Variants in EXOC5 observed in about 807,000 individuals in gnomAD.
EXOC5 encodes SEC10-like 1.
In EXOC5, 17 loss-of-function variants were observed where a neutral mutation model predicts 90.8. The ratio of observed to expected loss-of-function variants is 0.19; its 90% CI spans 0.13 to 0.28. The LOEUF is 0.28. Ranked by LOEUF, EXOC5 falls within the 10% of genes least tolerant of loss-of-function variation. The pLI is 1.00. For synonymous variants in EXOC5, 260 were observed against 270.0 expected, an observed-to-expected ratio of 0.96 and a Z score of 0.36; for missense variants, 569 against 830.6, an observed-to-expected ratio of 0.69 and a Z score of 3.87.
At position 57,203,132 on chromosome 14, in the gene EXOC5, T is replaced by C. The variant is rs920249623; in HGVS notation, c.*5477A>G. On this transcript the variant is annotated 3_prime_UTR_variant, in exon 18 of 18. Coordinates refer to ENST00000621441, the MANE Select transcript of EXOC5 (RefSeq NM_006544.4). Reference sequence around the variant, plus strand: ...AAAACCTAAAGGTTATTTATTTTTCTAAAAACAGGGACTCACTATGTTGCC... The same window carrying C: ...AAAACCTAAAGGTTATTTATTTTTCCAAAAACAGGGACTCACTATGTTGCC... 2 of 152,192 alleles carry C rather than the reference T, an allele frequency of 1.3e-5. No individual in the cohort carries two copies. Among genetic ancestry groups the C allele is most frequent in the South Asian group, 2.1e-4 (1 of 4,832 alleles). 9.4% of individuals were successfully genotyped at this position (152,192 alleles called of 1,614,324 possible).
At chr14:57,249,298 T>C (rs969700401) in intron 1 of EXOC5, among the ~76,000 whole-genome samples, 1 of 152,142 alleles carries the variant, frequency 6.6e-6, no homozygotes, top group African/African-American at 2.4e-5. Flanking sequence ...AGTAATCATA[T>C]CCCTTTCCCT....
intron 1 of EXOC5, among the ~76,000 whole-genome samples, chr14:57,258,163 G>A (rs1048578601): frequency 6.6e-6 from 1 of 152,158 alleles, no homozygotes; most frequent in African/African-American, 2.4e-5. Context: ...TCTAGAATCA[G>A]AAATACCATT....
rs999709185 is a variant in EXOC5 at position 57,200,919 on chromosome 14, G to A, written c.*7690C>T. ...AGCCAAAACTTCAAGAGCTATGTGA[G>A]ATGAGGATGGTCTCCTCCAGAGAGA... On this transcript the variant is annotated 3_prime_UTR_variant, in exon 18 of 18. Transcript: ENST00000621441. The A allele has an allele frequency of 2.6e-5, 4 of 152,124 alleles. No homozygotes were observed. Among genetic ancestry groups the A allele is most frequent in the Non-Finnish European group, 5.9e-5 (4 of 68,022 alleles). The allele number at this position is 152,124 out of a possible 1,614,324, so 9.4% of individuals were successfully genotyped here. A position where few individuals can be genotyped will look rare whatever the true frequency, so the allele number is the denominator to read the frequency against.
rs1432679675 is a variant in EXOC5, at chr14:57,208,605, A to C, written c.*4T>G. 6.3e-7 allele frequency: 1 copy of C among 1,588,102 alleles called. No individual in the cohort carries two copies. The highest frequency in any genetic ancestry group is 8.6e-7 in the Non-Finnish European group (1 of 1,160,752). On this transcript the variant is annotated 3_prime_UTR_variant, in exon 18 of 18. Transcript: ENST00000621441. ...TGACACTGAATTCCTTTGTAAATTC[A>C]ATCTCAGCTGAAGTGTCGAGCAAGG...
intron 1 of EXOC5, among the ~76,000 whole-genome samples, chr14:57,251,060 G>A (rs994374864): frequency 5.3e-5 from 8 of 152,184 alleles, no homozygotes; most frequent in African/African-American, 1.9e-4. Context: ...GGTAACAACT[G>A]CACTCGCAGA....
At chr14:57,220,839 T>C (rs1883115750) in intron 13 of EXOC5, among the ~76,000 whole-genome samples, 2 of 152,046 alleles carry the variant, frequency 1.3e-5, no homozygotes, top group Non-Finnish European at 1.5e-5. Flanking sequence ...AAAATTATTA[T>C]ATATACACAC....
rs1156896729 is a variant in EXOC5, at chr14:57,201,545, A to T, written c.*7064T>A. ...ATATACACACACACCACACATATAC[A>T]TATATTTTTATATATATTAATATTA... On this transcript the variant is annotated 3_prime_UTR_variant, in exon 18 of 18. Transcript: ENST00000621441. 7.7e-6 allele frequency: 1 copy of T among 130,588 alleles called. No individual in the cohort carries two copies. Among genetic ancestry groups the T allele is most frequent in the Non-Finnish European group, 1.5e-5 (1 of 64,796 alleles). 8.1% of individuals were successfully genotyped at this position (130,588 alleles called of 1,614,324 possible). A position where few individuals can be genotyped will look rare whatever the true frequency, so the allele number is the denominator to read the frequency against.
At position 57,244,254 on chromosome 14, in the gene EXOC5, G is replaced by A. The variant is rs763559611; in HGVS notation, c.376C>T (p.Arg126Trp). ...ATCAATTTCTGAGCCTCCACTGCCC[G>A]TTGTCTGGGTGTGTTTACCCCCTCT... is the stretch of plus-strand genomic sequence containing the variant. ...QLEGVNTPRQRAVEAQKLMKY... is the reference protein window; with the variant it reads ...QLEGVNTPRQWAVEAQKLMKY... The change falls in exon 4 of 18, where the codon CGG becomes TGG. Residue 126 changes from arginine to tryptophan, a missense_variant. Arg to Trp is a moderately radical substitution (Grantham distance 101). Around this residue, in one of 9 missense-constraint regions of EXOC5, gnomAD observed 97 missense variants for 177.9 expected, o/e 0.55. Transcript: ENST00000621441. 29 of 1,613,076 alleles carry A rather than the reference G, an allele frequency of 1.8e-5. No homozygotes were observed. The highest frequency in any genetic ancestry group is 4.0e-5 in the African/African-American group (3 of 74,870).
intron 1 of EXOC5, among the ~76,000 whole-genome samples, chr14:57,254,420 G>C (rs1884286617): frequency 6.6e-6 from 1 of 151,252 alleles, no homozygotes; most frequent in African/African-American, 2.4e-5. Context: ...GGGTAACAGA[G>C]TGAGTGAATC....
Position 57,202,290 on chromosome 14 carries a change from G to C in EXOC5, c.*6319C>G, listed in dbSNP as rs1044300705. The C allele has an allele frequency of 6.6e-6, 1 of 152,158 alleles. No individual in the cohort carries two copies. The highest frequency in any genetic ancestry group is 2.4e-5 in the African/African-American group (1 of 41,438). The allele number at this position is 152,158 out of a possible 1,614,324, so 9.4% of individuals were successfully genotyped here. A position where few individuals can be genotyped will look rare whatever the true frequency, so the allele number is the denominator to read the frequency against. ...GCCACTACAACCTAAAGCAATACAT[G>C]ATTTTGAACTGAGATCCTTAAAAGG... On this transcript the variant is annotated 3_prime_UTR_variant, in exon 18 of 18. Coordinates refer to ENST00000621441, the MANE Select transcript of EXOC5 (RefSeq NM_006544.4).
rs944120561 is a variant in EXOC5 at position 57,206,205 on chromosome 14, A to G, written c.*2404T>C. On this transcript the variant is annotated 3_prime_UTR_variant, in exon 18 of 18. Transcript: ENST00000621441. ...TACGTAAATGTTGGTTAAAGTTACC[A>G]ATTATACAAAGCTCCACTCTCTACC... 2.4e-5 allele frequency: 7 copies of G among 295,860 alleles called. No individual in the cohort carries two copies. Among genetic ancestry groups the G allele is most frequent in the Non-Finnish European group, 4.6e-5 (7 of 152,078 alleles). 18.3% of individuals were successfully genotyped at this position (295,860 alleles called of 1,614,324 possible). A position where few individuals can be genotyped will look rare whatever the true frequency, so the allele number is the denominator to read the frequency against.
chr14:57,235,879 G>A, intron 6 of EXOC5, 59 bp from the exon 7 acceptor site: 1 of 788,064 alleles, frequency 1.3e-6, no homozygotes, highest in Non-Finnish European at 2.2e-6. Context: ...TTATTTAAGA[G>A]TATCTACATT....
At chr14:57,230,296 AAAG>A (rs1414361853) in intron 11 of EXOC5, among the ~76,000 whole-genome samples, 4 of 152,202 alleles carry the variant, frequency 2.6e-5, no homozygotes, top group African/African-American at 4.8e-5. Flanking sequence ...TCATGATATT[AAAG>A]AAGATATATT....
chr14:57,257,851 A>G (rs1011983899), intron 1 of EXOC5, among the ~76,000 whole-genome samples: 25 of 152,182 alleles, frequency 1.6e-4, no homozygotes, highest in Non-Finnish European at 8.8e-5. Context: ...AAGACTTCTC[A>G]AACAATTCCC....
At chr14:57,248,638 C>T (rs975459821) in intron 1 of EXOC5, among the ~76,000 whole-genome samples, 1 of 152,088 alleles carries the variant, frequency 6.6e-6, no homozygotes, top group South Asian at 2.1e-4. Context: ...AATTTACATA[C>T]TTTTCATACT....
At chr14:57,213,732 G>A (rs1042247482) in intron 15 of EXOC5, among the ~76,000 whole-genome samples, 1 of 152,048 alleles carries the variant, frequency 6.6e-6, no homozygotes, top group Non-Finnish European at 1.5e-5. Context: ...ACTTTGGGAG[G>A]CTGAGGTGGG....
At position 57,205,751 on chromosome 14, in the gene EXOC5, A is replaced by G. The variant is rs1307315707; in HGVS notation, c.*2858T>C. The G allele has an allele frequency of 1.5e-5, 6 of 390,228 alleles. No individual in the cohort carries two copies. Among genetic ancestry groups the G allele is most frequent in the South Asian group, 9.6e-5 (5 of 52,128 alleles). 24.2% of individuals were successfully genotyped at this position (390,228 alleles called of 1,614,324 possible). On this transcript the variant is annotated 3_prime_UTR_variant, in exon 18 of 18. Transcript: ENST00000621441. ...AATATTTAGAAGTGAAAGAGGGGGG[A>G]AAAAAGAATGATCTACAATGTAATA...
Position 57,209,569 on chromosome 14 carries a change from T to G in EXOC5, c.1936A>C (p.Lys646Gln). ...AEYRKCAKDF[K>Q]IPMVLHLFDT... is the part of the protein sequence containing the mutation. ...TTGATGTTTTTGTGTACACATACCTTGAAGTCTTTGGCACACTTCCTATAT... is the reference window on the plus strand; with the variant it reads ...TTGATGTTTTTGTGTACACATACCTGGAAGTCTTTGGCACACTTCCTATAT... The change falls in exon 17 of 18, where the codon AAG (lysine) becomes CAG (glutamine). Residue 646 changes from lysine (K) to glutamine (Q), a missense_variant and splice_region_variant. By Grantham distance (53) the Lys-to-Gln change is moderately conservative. Around this residue, in one of 9 missense-constraint regions of EXOC5, gnomAD observed 122 missense variants for 180.0 expected, o/e 0.68. Transcript: ENST00000621441. 6.3e-7 allele frequency: 1 copy of G among 1,599,414 alleles called. No homozygotes were observed. Among genetic ancestry groups the G allele is most frequent in the Non-Finnish European group, 8.6e-7 (1 of 1,167,960 alleles).
At chr14:57,232,530 T>A in intron 10 of EXOC5, 137 bp downstream of exon 10, 2 of 500,972 alleles carry the variant, frequency 4.0e-6, no homozygotes, top group East Asian at 6.5e-5. Context: ...ATATAACTAG[T>A]CTATACAGCT....
Sources: gnomAD v4.1 joint callset for allele counts (sites outside exome capture counted in the v4.1 genomes callset) on GRCh38, gnomAD v4.1.1 for gene constraint, gnomAD v4.1.1 regional missense constraint, MANE v1.5 for transcripts, NCBI Gene and HGNC (gene_info 2026-07-23, HGNC 2026-07-21) for gene names.